Variants in IGSF21 observed in about 807,000 individuals in gnomAD.
The protein encoded by IGSF21 is immunoglobulin superfamily member 21.
IGSF21 carries 28 observed loss-of-function variants against 46.8 expected under a neutral mutation model. That is an observed-to-expected ratio of 0.60 (90% CI 0.44 to 0.82). IGSF21 has a LOEUF of 0.82. Ranked by LOEUF, IGSF21 falls within the 40% of genes least tolerant of loss-of-function variation. The pLI is 0.00. For missense variants in IGSF21, 624 were observed against 665.5 expected (o/e 0.94, Z 0.69); for synonymous variants, 284 against 273.6 (o/e 1.04, Z -0.38).
At chr1:18,275,708 CTG>C (rs1410069101) in intron 2 of IGSF21, among the ~76,000 whole-genome samples, 1 of 152,180 alleles carries the variant, frequency 6.6e-6, no homozygotes, top group Non-Finnish European at 1.5e-5. Context: ...GGACTAAAGT[CTG>C]TGTCATCTGC....
intron 1 of IGSF21, among the ~76,000 whole-genome samples, chr1:18,193,339 C>T (rs911577791): frequency 1.3e-5 from 2 of 151,968 alleles, no homozygotes; most frequent in South Asian, 2.1e-4. Flanking sequence ...CCAAGGGAGA[C>T]GAGAACCATG....
chr1:18,257,320 G>T, intron 2 of IGSF21, among the ~76,000 whole-genome samples: 1 of 152,192 alleles, frequency 6.6e-6, no homozygotes, highest in African/African-American at 2.4e-5. Context: ...CAGAATGGAA[G>T]TCAGACCTAT....
chr1:18,121,705 C>G (rs552364977), intron 1 of IGSF21, among the ~76,000 whole-genome samples: 1 of 152,174 alleles, frequency 6.6e-6, no homozygotes, highest in Non-Finnish European at 1.5e-5. Context: ...GCCATTCCTA[C>G]GTGCTCAGTG....
At chr1:18,160,836 A>G (rs1341305859) in intron 1 of IGSF21, among the ~76,000 whole-genome samples, 1 of 152,136 alleles carries the variant, frequency 6.6e-6, no homozygotes, top group Non-Finnish European at 1.5e-5. Flanking sequence ...CCTAAACTGT[A>G]GAGTGCTGGA....
chr1:18,259,313 C>A (rs1186594597), intron 2 of IGSF21, among the ~76,000 whole-genome samples: 1 of 152,146 alleles, frequency 6.6e-6, no homozygotes, highest in African/African-American at 2.4e-5. Context: ...ATGAGGAGAT[C>A]CATACCCATC....
chr1:18,253,254 AG>A (rs571163879), intron 2 of IGSF21, among the ~76,000 whole-genome samples: 6 of 152,128 alleles, frequency 3.9e-5, no homozygotes, highest in Non-Finnish European at 2.9e-5. Flanking sequence ...CCAGAGGGCC[AG>A]GGGGGGCCTC....
intron 2 of IGSF21, among the ~76,000 whole-genome samples, chr1:18,232,231 G>T (rs2084635521): frequency 1.3e-5 from 1 of 74,720 alleles, no homozygotes. Context: ...TAATAGAGTA[G>T]GGGTGCAATT....
At position 18,376,826 on chromosome 1, in the gene IGSF21, C is replaced by T; in HGVS notation, c.1128C>T (p.Phe376=). The change falls in exon 8 of 10, where the codon TTC becomes TTT. Residue 376 remains phenylalanine (F), a synonymous_variant. Transcript: ENST00000251296. ...FQNEVFPEPM[F]TWTRVGSRLL... is the part of the protein sequence containing the mutation. Reference sequence around the variant, plus strand: ...ACGAAGTCTTCCCGGAGCCCATGTTCACGTGGACGCGGGTTGGGAGCCGCC... The same window carrying T: ...ACGAAGTCTTCCCGGAGCCCATGTTTACGTGGACGCGGGTTGGGAGCCGCC... 6.2e-7 allele frequency: 1 copy of T among 1,601,094 alleles called. No individual in the cohort carries two copies. The highest frequency in any genetic ancestry group is 8.5e-7 in the Non-Finnish European group (1 of 1,170,056).
intron 1 of IGSF21, among the ~76,000 whole-genome samples, chr1:18,210,029 C>T (rs996381871): frequency 6.6e-6 from 1 of 152,188 alleles, no homozygotes; most frequent in Non-Finnish European, 1.5e-5. Flanking sequence ...CCTGGGCCTT[C>T]AGCAGGACGA....
In IGSF21 at chr1:18,273,390, C is replaced by T. The variant is rs865953608; in HGVS notation, c.184-18476C>T. 1.6e-4 allele frequency among the ~76,000 whole-genome samples: 22 copies of T among 141,126 alleles called. 1 individual carries two copies. Among genetic ancestry groups the T allele is most frequent in the African/African-American group, 5.3e-4 (19 of 35,836 alleles). 92.6% of individuals were successfully genotyped at this position (141,126 alleles called of 152,430 possible). ...CTTTCCTTTCCTTTCCTTTCCTTTC[C>T]TTTCCTTTCCTTTCCTTTCCTTTCT... On this transcript the variant is annotated intron_variant, in intron 2 of 9. Coordinates refer to ENST00000251296, the MANE Select transcript of IGSF21 (RefSeq NM_032880.5).
intron 1 of IGSF21, among the ~76,000 whole-genome samples, chr1:18,182,173 CTTTTTTTT>C: frequency 9.2e-6 from 1 of 108,952 alleles, no homozygotes; most frequent in South Asian, 3.5e-4. Flanking sequence ...TGAAAGGTGT[CTTTTTTTT>C]TTTTTTTTTT....
chr1:18,271,859 T>G (rs905572293), intron 2 of IGSF21, among the ~76,000 whole-genome samples: 1 of 152,142 alleles, frequency 6.6e-6, no homozygotes, highest in Non-Finnish European at 1.5e-5. Flanking sequence ...GCATGGAGGA[T>G]GGCACCTTGA....
At chr1:18,148,795 A>T (rs2086494175) in intron 1 of IGSF21, among the ~76,000 whole-genome samples, 1 of 152,212 alleles carries the variant, frequency 6.6e-6, no homozygotes, top group Non-Finnish European at 1.5e-5. Context: ...AGACACAGGG[A>T]AATAAAAATA....
At chr1:18,340,530 C>A (rs1010917163) in intron 4 of IGSF21, among the ~76,000 whole-genome samples, 2 of 152,228 alleles carry the variant, frequency 1.3e-5, no homozygotes, top group East Asian at 3.8e-4. Flanking sequence ...AAGGTCCTTG[C>A]TCCCTGGACT....
At chr1:18,293,054 G>T (rs1026464253) in intron 3 of IGSF21, among the ~76,000 whole-genome samples, 3 of 152,240 alleles carry the variant, frequency 2.0e-5, no homozygotes, top group Admixed American at 2.0e-4. Flanking sequence ...ATGCTATGTG[G>T]ATGTCTCAGC....
intron 2 of IGSF21, among the ~76,000 whole-genome samples, chr1:18,247,602 G>A (rs755010178): frequency 1.3e-5 from 2 of 152,088 alleles, no homozygotes; most frequent in Non-Finnish European, 2.9e-5. Context: ...TGCAAAATGA[G>A]AGAAGTAACG....
At chr1:18,362,012 C>T (rs1342264410) in intron 4 of IGSF21, 103 bp from the exon 5 acceptor site, 4 of 759,016 alleles carry the variant, frequency 5.3e-6, no homozygotes, top group South Asian at 3.4e-5. Flanking sequence ...CCCTCCCCCA[C>T]CCCCGGCACC....
At chr1:18,166,439 G>A (rs36014789) in intron 1 of IGSF21, among the ~76,000 whole-genome samples, 10,375 of 152,156 alleles carry the variant, frequency 0.068, 403 homozygotes, top group Middle Eastern at 0.16. Flanking sequence ...TCGCACAGCC[G>A]CAGGGTGACC....
chr1:18,328,914 A>C (rs911625252), intron 3 of IGSF21, among the ~76,000 whole-genome samples: 1 of 152,140 alleles, frequency 6.6e-6, no homozygotes, highest in African/African-American at 2.4e-5. Context: ...TGTGCACAGG[A>C]CTTGCTCAGC....
Sources: allele counts gnomAD v4.1 joint callset (sites outside exome capture counted in the v4.1 genomes callset), GRCh38; gene constraint gnomAD v4.1.1; transcripts MANE v1.5; gene names NCBI Gene and HGNC (gene_info 2026-07-23, HGNC 2026-07-21).